Variants in DIP2C observed in about 807,000 individuals in gnomAD.
DIP2C encodes disco-interacting protein 2 homolog C.
A neutral mutation model predicts 192.4 loss-of-function variants in DIP2C; 33 were observed. The ratio of observed to expected loss-of-function variants is 0.17; its 90% CI spans 0.13 to 0.23. DIP2C has a LOEUF of 0.23. DIP2C is among the 10% of genes least tolerant of loss of function. The probability of loss-of-function intolerance (pLI) is 1.00; values close to 1 mark genes in which losing one functional copy is unlikely to be tolerated. For synonymous variants in DIP2C, 979 were observed against 864.1 expected, an observed-to-expected ratio of 1.13 and a Z score of -2.33; for missense variants, 1,537 against 2,110.1, an observed-to-expected ratio of 0.73 and a Z score of 5.32.
intron 1 of DIP2C, among the ~76,000 whole-genome samples, chr10:488,840 G>A (rs1349628004): frequency 6.6e-6 from 1 of 152,184 alleles, no homozygotes; most frequent in African/African-American, 2.4e-5. Flanking sequence ...ATAGAACTGT[G>A]CCCCAACCCA....
intron 1 of DIP2C, among the ~76,000 whole-genome samples, chr10:688,400 G>C (rs910037409): frequency 4.6e-5 from 7 of 152,192 alleles, no homozygotes; most frequent in African/African-American, 1.7e-4. Flanking sequence ...TGCCCTGAAA[G>C]TGTTAAAAAG....
intron 4 of DIP2C, among the ~76,000 whole-genome samples, chr10:435,822 T>A (rs922884161): frequency 2.0e-5 from 3 of 152,210 alleles, no homozygotes; most frequent in African/African-American, 7.2e-5. Context: ...CTTTGACACA[T>A]TTTAATTTGA....
chr10:650,325 C>T lies in DIP2C; in HGVS notation c.85+39169G>A, dbSNP rs184617249. On this transcript the variant is annotated intron_variant, in intron 1 of 36. Coordinates refer to ENST00000280886, the MANE Select transcript of DIP2C (RefSeq NM_014974.3). ...CCATGGTGCCCGGGGCTGTGGACCA[C>T]GCCAGCCCACAGCCACTGCAAGCCC... 3.7e-3 allele frequency: 2,668 copies of T among 716,366 alleles called. 44 individuals are homozygous for T. The African/African-American group carries it at 0.041, about 11-fold the overall frequency. The allele number at this position is 716,366 out of a possible 1,614,324, so 44.4% of individuals were successfully genotyped here. A position where few individuals can be genotyped will look rare whatever the true frequency, so the allele number is the denominator to read the frequency against.
In DIP2C at chr10:332,893, A is replaced by G. The variant is rs116078022; in HGVS notation, c.3585-3292T>C. On this transcript the variant is annotated intron_variant, in intron 29 of 36. Transcript: ENST00000280886. The stretch of plus-strand genomic sequence containing the variant: ...CTCCCTACACACTTGAGTTACTGCA[A>G]TGAAGCACTTTATTATTTTTTATTG... Among the ~76,000 whole-genome samples, 655 of 152,220 alleles carry G rather than the reference A, an allele frequency of 4.3e-3. 5 individuals are homozygous for G. Among genetic ancestry groups the G allele is most frequent in the African/African-American group, 0.014 (602 of 41,544 alleles).
intron 1 of DIP2C, among the ~76,000 whole-genome samples, chr10:558,528 G>C (rs912533342): frequency 6.6e-6 from 1 of 152,142 alleles, no homozygotes; most frequent in Non-Finnish European, 1.5e-5. Flanking sequence ...CAGCGCAGGG[G>C]GACAGGAGCA....
intron 1 of DIP2C, among the ~76,000 whole-genome samples, chr10:506,972 C>CGA (rs561962954): frequency 2.4e-4 from 36 of 149,772 alleles, no homozygotes; most frequent in African/African-American, 8.4e-4. Context: ...CTGTGCAAGA[C>CGA]GAGAGGCGTG....
At chr10:580,030 T>A (rs1850502424) in intron 1 of DIP2C, among the ~76,000 whole-genome samples, 1 of 152,050 alleles carries the variant, frequency 6.6e-6, no homozygotes, top group African/African-American at 2.4e-5. Flanking sequence ...TGTACACGCA[T>A]CTCTATCCAG....
At chr10:571,497 C>T (rs1389028949) in intron 1 of DIP2C, among the ~76,000 whole-genome samples, 2 of 151,946 alleles carry the variant, frequency 1.3e-5, no homozygotes, top group Non-Finnish European at 2.9e-5. Context: ...TTCTCCCTCC[C>T]CCTTTCACTT....
At chr10:607,980 T>C (rs1852620602) in intron 1 of DIP2C, among the ~76,000 whole-genome samples, 1 of 151,780 alleles carries the variant, frequency 6.6e-6, no homozygotes, top group Non-Finnish European at 1.5e-5. Context: ...ACAGACACCG[T>C]AATGAAACCA....
chr10:633,572 C>T (rs746089668), intron 1 of DIP2C, among the ~76,000 whole-genome samples: 2 of 152,230 alleles, frequency 1.3e-5, no homozygotes, highest in Non-Finnish European at 2.9e-5. Flanking sequence ...AGGGGGCCCT[C>T]GCGTCACCCA....
chr10:628,519 A>G (rs1419480973), intron 1 of DIP2C: 1 of 152,264 alleles, frequency 6.6e-6, no homozygotes, highest in Non-Finnish European at 1.5e-5. Flanking sequence ...CAAACAGGAA[A>G]CGCTCTGTCC....
chr10:657,288 AC>A, intron 1 of DIP2C, among the ~76,000 whole-genome samples: 1 of 2,816 alleles, frequency 3.6e-4, no homozygotes. Flanking sequence ...TGGACCTGCC[AC>A]TGGACCTGTC....
At chr10:305,972 AATATAT>A (rs35830495) in intron 32 of DIP2C, among the ~76,000 whole-genome samples, 116,095 of 146,296 alleles carry the variant, frequency 0.79, 47,245 homozygotes, top group Non-Finnish European at 0.88. Flanking sequence ...AATGCAGACA[AATATAT>A]ATATATATAT....
At chr10:599,258 T>C (rs1441918478) in intron 1 of DIP2C, among the ~76,000 whole-genome samples, 1 of 152,148 alleles carries the variant, frequency 6.6e-6, no homozygotes, top group Non-Finnish European at 1.5e-5. Context: ...ACACAGAAAG[T>C]GGGCTAAGGG....
intron 2 of DIP2C, among the ~76,000 whole-genome samples, chr10:475,164 G>A (rs1970960998): frequency 6.6e-6 from 1 of 152,168 alleles, no homozygotes; most frequent in African/African-American, 2.4e-5. Flanking sequence ...TAACACACAT[G>A]GCTGGGAGGA....
intron 14 of DIP2C, 76 bp from the exon 15 acceptor site, chr10:384,715 A>G (rs943450717): frequency 1.4e-6 from 2 of 1,460,142 alleles, no homozygotes; most frequent in African/African-American, 1.4e-5. Flanking sequence ...AGTGGCATGG[A>G]CACTAGGCCG....
chr10:607,671 G>C (rs1408827447), intron 1 of DIP2C, among the ~76,000 whole-genome samples: 1 of 152,160 alleles, frequency 6.6e-6, no homozygotes, highest in Non-Finnish European at 1.5e-5. Flanking sequence ...ACGATGCAAT[G>C]AGTGTGACTA....
chr10:531,555 C>T (rs1183729174), intron 1 of DIP2C, among the ~76,000 whole-genome samples: 1 of 152,180 alleles, frequency 6.6e-6, no homozygotes, highest in Non-Finnish European at 1.5e-5. Flanking sequence ...TCAGGGCCCC[C>T]CAGTCTGACG....
At chr10:321,642 A>AGT (rs1564551745) in intron 31 of DIP2C, among the ~76,000 whole-genome samples, 23 of 92,712 alleles carry the variant, frequency 2.5e-4, no homozygotes, top group African/African-American at 9.7e-4. Flanking sequence ...GGCTCCGGCG[A>AGT]GAGACCGGCG....
Sources: allele counts gnomAD v4.1 joint callset (sites outside exome capture counted in the v4.1 genomes callset), GRCh38; gene constraint gnomAD v4.1.1; transcripts MANE v1.5; gene names NCBI Gene and HGNC (gene_info 2026-07-23, HGNC 2026-07-21).